ABHD18: variants seen among roughly 807,000 people sequenced by gnomAD.
The protein encoded by ABHD18 is abhydrolase domain containing 18.
Under a neutral mutation model 65.9 loss-of-function variants are expected in ABHD18, and 55 were observed. The ratio of observed to expected loss-of-function variants is 0.84; its 90% CI spans 0.67 to 1.05. ABHD18 has a LOEUF of 1.05. Among genes scored for constraint, ABHD18 ranks in the 50% least tolerant of loss-of-function variants. The pLI, the probability that ABHD18 is intolerant of heterozygous loss-of-function variation, is 0.00. For synonymous variants in ABHD18, 181 were observed against 180.2 expected (o/e 1.00, Z -0.04); for missense variants, 533 against 558.5 (o/e 0.95, Z 0.46).
chr4:128,002,370 C>T (rs1384109204), intron 4 of ABHD18, among the ~76,000 whole-genome samples: 20 of 151,450 alleles, frequency 1.3e-4, no homozygotes, highest in Admixed American at 1.3e-3. Flanking sequence ...ACCTCTGCCT[C>T]CTGGAGTCAA....
chr4:128,030,454 G>A (rs766535199), intron 11 of ABHD18, 56 bp from the exon 12 acceptor site: 22 of 1,227,190 alleles, frequency 1.8e-5, no homozygotes, highest in Non-Finnish European at 2.3e-5. Context: ...TGCATTGTGT[G>A]GGTTTTTTTA....
At chr4:128,009,251 C>T in intron 6 of ABHD18, 60 bp downstream of exon 6, 2 of 1,117,862 alleles carry the variant, frequency 1.8e-6, no homozygotes, top group Non-Finnish European at 2.4e-6. Flanking sequence ...TATATTTAGT[C>T]ATCAAAAGGA....
chr4:127,974,997 CAAAAAA>C (rs34068699), intron 1 of ABHD18, among the ~76,000 whole-genome samples: 3 of 88,286 alleles, frequency 3.4e-5, no homozygotes, highest in Admixed American at 2.9e-4. Context: ...AACTGTGTCT[CAAAAAA>C]AAAAAAAAAA....
At chr4:128,004,138 C>G (rs757996941) in intron 4 of ABHD18, among the ~76,000 whole-genome samples, 2 of 151,948 alleles carry the variant, frequency 1.3e-5, no homozygotes, top group African/African-American at 4.8e-5. Context: ...CTTTCCCTGC[C>G]TCTTTTTGTT....
At chr4:128,013,567 G>A (rs1386589257) in intron 7 of ABHD18, among the ~76,000 whole-genome samples, 1 of 151,924 alleles carries the variant, frequency 6.6e-6, no homozygotes, top group Non-Finnish European at 1.5e-5. Context: ...GCGTGGTGGT[G>A]GGCACCTGTA....
Position 127,989,753 on chromosome 4 carries a change from T to C in ABHD18, c.210T>C (p.Asp70=), listed in dbSNP as rs746580613. Residue 70 remains aspartate (D), a synonymous_variant, in exon 4 of 13, where the codon GAT becomes GAC. Coordinates refer to ENST00000645843, the MANE Select transcript of ABHD18 (RefSeq NM_001358451.3). ...AGCAATCAGATTGTAAGATCTTAGA[T>C]GGACACTTTGTTTCCCCCATGGCTC... ...IEEQSDCKIL[D]GHFVSPMAHY... is the part of the protein sequence containing the mutation. The C allele has an allele frequency of 1.7e-5, 28 of 1,601,922 alleles. No homozygotes were observed. The highest frequency in any genetic ancestry group is 2.3e-5 in the Non-Finnish European group (27 of 1,174,054).
chr4:127,986,457 A>T (rs151103027), intron 3 of ABHD18, among the ~76,000 whole-genome samples: 1 of 152,332 alleles, frequency 6.6e-6, no homozygotes, highest in African/African-American at 2.4e-5. Context: ...TTGCTTATCC[A>T]TTCATAAATT....
intron 4 of ABHD18, among the ~76,000 whole-genome samples, chr4:127,996,753 C>A (rs994492815): frequency 6.6e-6 from 1 of 152,156 alleles, no homozygotes; most frequent in Non-Finnish European, 1.5e-5. Flanking sequence ...TGTAGACCTA[C>A]CCCCAGGAAT....
In ABHD18 at chr4:128,021,164, A is replaced by G; in HGVS notation, c.727A>G (p.Arg243Gly). The part of the protein sequence containing the change: ...TGVLSKSINW[R>G]ELEKQYYTQT... ...TGTGTTGAGTAAATCAATTAATTGG[A>G]GGGAGCTGGAAAAGCAATATTATAC... Residue 243 changes from arginine to glycine, a missense_variant, in exon 10 of 13, where the codon AGG becomes GGG. Physicochemically the swap from Arg to Gly is moderately radical, Grantham distance 125. Around this residue, in one of 3 missense-constraint regions of ABHD18, gnomAD observed 309 missense variants for 313.5 expected, o/e 0.99. Transcript: ENST00000645843. 1.3e-6 allele frequency: 2 copies of G among 1,548,002 alleles called. No individual in the cohort carries two copies. The highest frequency in any genetic ancestry group is 8.7e-7 in the Non-Finnish European group (1 of 1,144,834).
chr4:128,028,868 A>G lies in ABHD18; in HGVS notation c.1180+15A>G. ...AAATTTCTCAGGTACTAATTTTTAT[A>G]TGAAATTGAGAATATTTGCTGATGT... is the stretch of plus-strand genomic sequence containing the variant. On this transcript the variant is annotated intron_variant, in intron 11 of 12. Transcript: ENST00000645843. 6.6e-7 allele frequency: 1 copy of G among 1,508,432 alleles called. No homozygotes were observed. Among genetic ancestry groups the G allele is most frequent in the Non-Finnish European group, 8.9e-7 (1 of 1,127,726 alleles). 93.4% of individuals were successfully genotyped at this position (1,508,432 alleles called of 1,614,324 possible). A position where few individuals can be genotyped will look rare whatever the true frequency, so the allele number is the denominator to read the frequency against.
chr4:127,995,141 A>G (rs1751535223), intron 4 of ABHD18, among the ~76,000 whole-genome samples: 1 of 152,192 alleles, frequency 6.6e-6, no homozygotes, highest in Non-Finnish European at 1.5e-5. Flanking sequence ...CAGCCTCCCA[A>G]AATGCTGGGA....
chr4:128,028,817 G>A lies in ABHD18; in HGVS notation c.1144G>A (p.Val382Ile). The A allele has an allele frequency of 2.5e-6, 4 of 1,591,652 alleles. No individual in the cohort carries two copies. The highest frequency in any genetic ancestry group is 3.4e-6 in the Non-Finnish European group (4 of 1,171,786). ...AGAGTCTTTAATATTTATGAAAGGA[G>A]TCATGGATGAATGTACTCATGTAGC... ...RKESLIFMKG[V>I]MDECTHVANF... Residue 382 changes from valine (V) to isoleucine (I), a missense_variant, in exon 11 of 13, where the codon GTC (valine) becomes ATC (isoleucine). Coordinates refer to ENST00000645843, the MANE Select transcript of ABHD18 (RefSeq NM_001358451.3).
chr4:128,001,430 A>C lies in ABHD18; in HGVS notation c.279-7490A>C, dbSNP rs184046265. Among the ~76,000 whole-genome samples the C allele has an allele frequency of 9.5e-4, 145 of 152,318 alleles. 2 individuals carry two copies. Among genetic ancestry groups the C allele is most frequent in the African/African-American group, 3.3e-3 (138 of 41,582 alleles). On this transcript the variant is annotated intron_variant, in intron 4 of 12. Coordinates refer to ENST00000645843, the MANE Select transcript of ABHD18 (RefSeq NM_001358451.3). The stretch of plus-strand genomic sequence containing the variant: ...TTGTAAGTCTGTTTATGTGGTGAAT[A>C]ACATTTATTAATTTGCATATATTGA...
chr4:127,990,891 C>T (rs1270429717), intron 4 of ABHD18, among the ~76,000 whole-genome samples: 4 of 152,062 alleles, frequency 2.6e-5, no homozygotes, highest in Non-Finnish European at 5.9e-5. Context: ...TTTGTTGAGA[C>T]AGAGTCTCAC....
intron 1 of ABHD18, among the ~76,000 whole-genome samples, chr4:127,979,399 CA>C (rs1423932940): frequency 6.6e-6 from 1 of 151,888 alleles, no homozygotes; most frequent in Non-Finnish European, 1.5e-5. Flanking sequence ...ACTAAAAATA[CA>C]AAAAATTAGC....
intron 1 of ABHD18, among the ~76,000 whole-genome samples, chr4:127,972,546 T>G (rs1747042133): frequency 9.7e-6 from 1 of 102,670 alleles, no homozygotes; most frequent in Middle Eastern, 5.3e-3. Context: ...TTTTTTTTTT[T>G]GAGACAGAGT....
chr4:128,018,983 T>C (rs908899409), intron 8 of ABHD18, among the ~76,000 whole-genome samples: 3 of 136,300 alleles, frequency 2.2e-5, no homozygotes, highest in South Asian at 2.2e-4. Flanking sequence ...CACTGCACTC[T>C]AGCGTGAGCA....
intron 4 of ABHD18, 133 bp downstream of exon 4, chr4:127,989,954 A>G (rs576068030): frequency 1.8e-5 from 10 of 546,578 alleles, no homozygotes; most frequent in Non-Finnish European, 2.9e-5. Context: ...ATTAGAAGAT[A>G]TTTTAATTCT....
At chr4:128,014,776 C>G (rs1033013623) in intron 7 of ABHD18, among the ~76,000 whole-genome samples, 5 of 148,996 alleles carry the variant, frequency 3.4e-5, no homozygotes. Flanking sequence ...AAATATACCC[C>G]CCGCCCCTAA....
Sources: allele counts gnomAD v4.1 joint callset (sites outside exome capture counted in the v4.1 genomes callset), GRCh38; gene constraint gnomAD v4.1.1; regional missense constraint gnomAD v4.1.1; transcripts MANE v1.5; gene names NCBI Gene and HGNC (gene_info 2026-07-23, HGNC 2026-07-21).